EYS: variants seen among roughly 807,000 people sequenced by gnomAD.
EYS encodes the protein protein eyes shut homolog.
Under a neutral mutation model 282.1 loss-of-function variants are expected in EYS, and 250 were observed. The ratio of observed to expected loss-of-function variants is 0.89; its 90% confidence interval spans 0.80 to 0.98. EYS has a LOEUF of 0.98. Among genes scored for constraint, EYS ranks in the 50% least tolerant of loss-of-function variants. The pLI, the probability that EYS is intolerant of heterozygous loss-of-function variation, is 0.00. For synonymous variants in EYS, 1,355 were observed against 1,282.9 expected (o/e 1.06, Z -1.20); for missense variants, 4,016 against 3,709.0 (o/e 1.08, Z -2.15).
chr6:65,014,460 C>T (rs1440346212), intron 13 of EYS, among the ~76,000 whole-genome samples: 2 of 149,048 alleles, frequency 1.3e-5, no homozygotes, highest in African/African-American at 2.6e-5. Context: ...ATCTTCAGTG[C>T]TATTGGAAAG....
intron 12 of EYS, among the ~76,000 whole-genome samples, chr6:65,180,491 A>G (rs1408759284): frequency 6.6e-6 from 1 of 152,182 alleles, no homozygotes; most frequent in East Asian, 1.9e-4. Context: ...TAGGAATCCA[A>G]CTTACAAGGG....
intron 28 of EYS, among the ~76,000 whole-genome samples, chr6:64,396,347 T>C (rs913616496): frequency 6.6e-6 from 1 of 152,180 alleles, no homozygotes; most frequent in Non-Finnish European, 1.5e-5. Context: ...TAGAGTTCTA[T>C]GTTCAGTATA....
Position 64,118,274 on chromosome 6 carries a change from T to C in EYS, c.6425-36272A>G, listed in dbSNP as rs576287144. 2.0e-5 allele frequency among the ~76,000 whole-genome samples: 3 copies of C among 152,156 alleles called. No individual in the cohort carries two copies. In the South Asian group the frequency reaches 6.2e-4, roughly 32 times the overall value. On this transcript the variant is annotated intron_variant, in intron 31 of 42. Transcript: ENST00000503581. ...AACAAAGCTGGAGGCATCACATGATTTGACCTCAAAATATACTACAGAGCT... is the reference window on the plus strand; with the variant it reads ...AACAAAGCTGGAGGCATCACATGATCTGACCTCAAAATATACTACAGAGCT...
intron 2 of EYS, among the ~76,000 whole-genome samples, chr6:65,547,831 G>A (rs1768451327): frequency 6.6e-6 from 1 of 152,106 alleles, no homozygotes; most frequent in South Asian, 2.1e-4. Flanking sequence ...AACAGAGAAG[G>A]TCAAGAAATC....
intron 41 of EYS, chr6:63,741,833 C>T: frequency 1.5e-6 from 1 of 676,562 alleles, no homozygotes; most frequent in South Asian, 1.5e-5. Flanking sequence ...CACAGCTCAT[C>T]TGACTCAAAT....
chr6:64,540,982 G>T (rs1357972828), intron 26 of EYS, among the ~76,000 whole-genome samples: 1 of 152,202 alleles, frequency 6.6e-6, no homozygotes, highest in Non-Finnish European at 1.5e-5. Context: ...AAACTCACCT[G>T]TTGCTCCACG....
At chr6:64,151,317 T>TTATTTATA (rs1447163993) in intron 31 of EYS, among the ~76,000 whole-genome samples, 1 of 52,452 alleles carries the variant, frequency 1.9e-5, no homozygotes, top group South Asian at 6.8e-4. Context: ...GTGTGTATAT[T>TTATTTATA]TATATATATA....
intron 31 of EYS, among the ~76,000 whole-genome samples, chr6:64,083,365 T>G (rs144707384): frequency 3.2e-4 from 48 of 152,336 alleles, no homozygotes; most frequent in African/African-American, 9.1e-4. Context: ...AAATCTTCCA[T>G]CAGAGATATG....
At chr6:64,029,055 C>A (rs1212818986) in intron 33 of EYS, among the ~76,000 whole-genome samples, 3 of 152,070 alleles carry the variant, frequency 2.0e-5, no homozygotes, top group Non-Finnish European at 2.9e-5. Flanking sequence ...GATAGCCAGG[C>A]CCCTCTATAC....
At chr6:65,235,305 A>T (rs1200414707) in intron 12 of EYS, among the ~76,000 whole-genome samples, 2 of 152,172 alleles carry the variant, frequency 1.3e-5, no homozygotes, top group African/African-American at 4.8e-5. Flanking sequence ...ACTGTGACTG[A>T]GCCACATTTA....
chr6:63,945,922 C>T (rs930396040), intron 35 of EYS, among the ~76,000 whole-genome samples: 2 of 152,210 alleles, frequency 1.3e-5, no homozygotes, highest in Non-Finnish European at 2.9e-5. Flanking sequence ...CCCAACTGCC[C>T]TTTCCTTATT....
intron 20 of EYS, among the ~76,000 whole-genome samples, chr6:64,822,446 C>T (rs184707019): frequency 1.3e-5 from 2 of 151,934 alleles, no homozygotes; most frequent in Admixed American, 6.6e-5. Flanking sequence ...TGCTAATGAA[C>T]AGAAATAAAA....
intron 36 of EYS, chr6:63,821,742 G>A (rs1582241695): frequency 1.3e-5 from 2 of 152,248 alleles, no homozygotes; most frequent in East Asian, 3.8e-4. Context: ...ACTCAGCAAG[G>A]AAAGCTGAAG....
chr6:64,280,378 G>A (rs1768263326), intron 30 of EYS, among the ~76,000 whole-genome samples: 1 of 152,032 alleles, frequency 6.6e-6, no homozygotes, highest in African/African-American at 2.4e-5. Context: ...GATGATCTCT[G>A]AGGTATTTTC....
At chr6:64,780,228 T>C (rs1773817144) in intron 22 of EYS, among the ~76,000 whole-genome samples, 1 of 152,200 alleles carries the variant, frequency 6.6e-6, no homozygotes, top group Non-Finnish European at 1.5e-5. Context: ...GCCTTATGTA[T>C]GTAAAGGAAG....
At chr6:64,492,863 T>A (rs1442134772) in intron 26 of EYS, among the ~76,000 whole-genome samples, 3 of 151,296 alleles carry the variant, frequency 2.0e-5, no homozygotes, top group Non-Finnish European at 3.0e-5. Context: ...AATGTTTCAG[T>A]CAGTGCCTTC....
intron 15 of EYS, among the ~76,000 whole-genome samples, chr6:64,938,194 G>A (rs1487429996): frequency 1.3e-5 from 2 of 151,576 alleles, no homozygotes; most frequent in East Asian, 3.9e-4. Flanking sequence ...TCTAACATTA[G>A]ATAGTGGTGA....
intron 31 of EYS, among the ~76,000 whole-genome samples, chr6:64,120,375 A>G (rs1050791703): frequency 1.3e-5 from 2 of 150,814 alleles, no homozygotes; most frequent in Non-Finnish European, 3.0e-5. Flanking sequence ...AAAAAAAAAA[A>G]AAAAAAAGAA....
chr6:64,044,852 A>G (rs1173814784), intron 33 of EYS, among the ~76,000 whole-genome samples: 1 of 152,232 alleles, frequency 6.6e-6, no homozygotes, highest in African/African-American at 2.4e-5. Flanking sequence ...TGAATAGTTT[A>G]GATCAGAGAG....
Sources: gnomAD v4.1 joint callset for allele counts (sites outside exome capture counted in the v4.1 genomes callset) on GRCh38, gnomAD v4.1.1 for gene constraint, MANE v1.5 for transcripts, NCBI Gene and HGNC (gene_info 2026-07-23, HGNC 2026-07-21) for gene names.